The following ANGPT2 variants were observed in gnomAD, a reference collection of about 807,000 sequenced individuals.
ANGPT2 encodes angiopoietin 2.
ANGPT2 carries 28 observed loss-of-function variants against 62.9 expected under a neutral mutation model. That is an observed-to-expected ratio of 0.44 (90% CI 0.33 to 0.61). The LOEUF (loss-of-function observed/expected upper bound fraction) is 0.61. Ranked by LOEUF, ANGPT2 falls within the 20% of genes least tolerant of loss-of-function variation. ANGPT2 has a pLI of 0.03. For missense variants in ANGPT2, 727 were observed against 594.9 expected, an observed-to-expected ratio of 1.22 and a Z score of -2.31; for synonymous variants, 284 against 207.8, an observed-to-expected ratio of 1.37 and a Z score of -3.15.
intron 5 of ANGPT2, among the ~76,000 whole-genome samples, chr8:6,516,318 G>A: frequency 6.6e-6 from 1 of 152,154 alleles, no homozygotes; most frequent in East Asian, 1.9e-4. Flanking sequence ...CAGCAACTCT[G>A]CTGTAGTATC....
chr8:6,527,777 A>T (rs929713491), intron 2 of ANGPT2, 101 bp from the exon 3 acceptor site: 150 of 1,129,124 alleles, frequency 1.3e-4, no homozygotes, highest in Non-Finnish European at 1.8e-4. Flanking sequence ...AAAACATAAC[A>T]AAAACATTAT....
At chr8:6,529,832 C>G (rs1178803416) in intron 2 of ANGPT2, among the ~76,000 whole-genome samples, 1 of 151,194 alleles carries the variant, frequency 6.6e-6, no homozygotes, top group African/African-American at 2.4e-5. Flanking sequence ...CATCTGTTTT[C>G]TTATTTTCCT....
intron 7 of ANGPT2, 36 bp from the exon 8 acceptor site, chr8:6,509,098 G>C: frequency 6.2e-7 from 1 of 1,602,470 alleles, no homozygotes; most frequent in Non-Finnish European, 8.5e-7. Context: ...ACATTGGCTA[G>C]GGTCATTGAT....
chr8:6,527,539 T>G lies in ANGPT2; in HGVS notation c.566+16A>C. On this transcript the variant is annotated intron_variant, in intron 3 of 8. Coordinates refer to ENST00000629816, the MANE Select transcript of ANGPT2 (RefSeq NM_001118887.2). ...TGTGCAGTCCTGAATTATAAATGTT[T>G]TAGTACTGTTATTACCTGTTCTTAT... 1 of 1,611,660 alleles carries G rather than the reference T, an allele frequency of 6.2e-7. No individual in the cohort carries two copies. Among genetic ancestry groups the G allele is most frequent in the Non-Finnish European group, 8.5e-7 (1 of 1,179,124 alleles).
chr8:6,503,532 C>T (rs528036235), intron 8 of ANGPT2, among the ~76,000 whole-genome samples: 1 of 152,244 alleles, frequency 6.6e-6, no homozygotes, highest in East Asian at 1.9e-4. Context: ...TCTCCACAGT[C>T]CTATTTGGTA....
chr8:6,513,343 T>C (rs1364349024), intron 7 of ANGPT2, among the ~76,000 whole-genome samples: 1 of 151,346 alleles, frequency 6.6e-6, no homozygotes, highest in Non-Finnish European at 1.5e-5. Context: ...TTCTTTTTTT[T>C]TTTTTTTGAG....
chr8:6,499,899 C>T lies in ANGPT2; in HGVS notation c.*3202G>A, dbSNP rs1474241592. On this transcript the variant is annotated 3_prime_UTR_variant, in exon 9 of 9. Transcript: ENST00000629816. Reference sequence around the variant, plus strand: ...GTCACTGGATTTCTGAGGAGCCGTTCGAACTGTCTCACCACTTCCCTGCAG... The same window carrying T: ...GTCACTGGATTTCTGAGGAGCCGTTTGAACTGTCTCACCACTTCCCTGCAG... 8 of 1,613,516 alleles carry T rather than the reference C, an allele frequency of 5.0e-6. No homozygotes were observed. Among genetic ancestry groups the T allele is most frequent in the African/African-American group, 2.7e-5 (2 of 74,896 alleles).
At chr8:6,533,757 A>G (rs1819980996) in intron 1 of ANGPT2, among the ~76,000 whole-genome samples, 1 of 152,070 alleles carries the variant, frequency 6.6e-6, no homozygotes, top group Admixed American at 6.5e-5. Flanking sequence ...GCCCTCCTTT[A>G]AAAACTTAGA....
At chr8:6,511,532 T>G (rs528897780) in intron 7 of ANGPT2, among the ~76,000 whole-genome samples, 1 of 152,176 alleles carries the variant, frequency 6.6e-6, no homozygotes, top group East Asian at 1.9e-4. Context: ...TTTCCAACAC[T>G]TGGGGAACAT....
intron 1 of ANGPT2, among the ~76,000 whole-genome samples, chr8:6,559,965 C>A (rs1050028399): frequency 6.6e-6 from 1 of 152,164 alleles, no homozygotes; most frequent in African/African-American, 2.4e-5. Flanking sequence ...CTTCCTTTGC[C>A]GGACAGATTA....
In ANGPT2 at chr8:6,562,682, T is replaced by C; in HGVS notation, c.253A>G (p.Asn85Asp). The change falls in exon 1 of 9, where the codon AAC (asparagine) becomes GAC (aspartate). Residue 85 changes from asparagine to aspartate, a missense_variant. Transcript: ENST00000629816. ...DSVQRLQVLE[N>D]IMENNTQWLM... ...CACTGAGTGTTGTTTTCCATGATGTTCTCCAGCACTTGCAGCCTCTGCACC... is the reference window on the plus strand; with the variant it reads ...CACTGAGTGTTGTTTTCCATGATGTCCTCCAGCACTTGCAGCCTCTGCACC... 1 of 1,603,630 alleles carries C rather than the reference T, an allele frequency of 6.2e-7. No individual in the cohort carries two copies. The highest frequency in any genetic ancestry group is 1.3e-5 in the African/African-American group (1 of 74,658).
At chr8:6,524,161 G>T (rs929568920) in intron 3 of ANGPT2, among the ~76,000 whole-genome samples, 1 of 152,120 alleles carries the variant, frequency 6.6e-6, no homozygotes, top group Non-Finnish European at 1.5e-5. Context: ...TTTGCACATT[G>T]CAGAGTTTTG....
At chr8:6,530,516 A>G (rs1251429169) in intron 2 of ANGPT2, among the ~76,000 whole-genome samples, 1 of 147,558 alleles carries the variant, frequency 6.8e-6, no homozygotes, top group Non-Finnish European at 1.5e-5. Context: ...CTCAAAAAAA[A>G]AAAAAAAAAA....
chr8:6,549,157 T>C (rs1217642177), intron 1 of ANGPT2, among the ~76,000 whole-genome samples: 1 of 152,222 alleles, frequency 6.6e-6, no homozygotes, highest in African/African-American at 2.4e-5. Flanking sequence ...AGAAAAATGA[T>C]ACATGGGTTT....
chr8:6,562,638 T>C lies in ANGPT2; in HGVS notation c.288+9A>G. 7.4e-7 allele frequency: 1 copy of C among 1,356,912 alleles called. No individual in the cohort carries two copies. Among genetic ancestry groups the C allele is most frequent in the Non-Finnish European group, 9.9e-7 (1 of 1,013,678 alleles). 84.1% of individuals were successfully genotyped at this position (1,356,912 alleles called of 1,614,324 possible). A position where few individuals can be genotyped will look rare whatever the true frequency, so the allele number is the denominator to read the frequency against. ...CATGTTCACAAAGACAGATGGATTTTTTTCCTACCTTCATTAGCCACTGAG... is the reference window on the plus strand; with the variant it reads ...CATGTTCACAAAGACAGATGGATTTCTTTCCTACCTTCATTAGCCACTGAG... On this transcript the variant is annotated intron_variant, in intron 1 of 8. Coordinates refer to ENST00000629816, the MANE Select transcript of ANGPT2 (RefSeq NM_001118887.2).
chr8:6,558,853 A>T (rs555130038), intron 1 of ANGPT2, among the ~76,000 whole-genome samples: 1 of 152,298 alleles, frequency 6.6e-6, no homozygotes, highest in Non-Finnish European at 1.5e-5. Flanking sequence ...GTAAACATGT[A>T]TTATATTTTA....
chr8:6,557,685 G>A (rs74417083), intron 1 of ANGPT2, among the ~76,000 whole-genome samples: 18,011 of 91,712 alleles, frequency 0.2, 1,234 homozygotes, highest in South Asian at 0.34. Flanking sequence ...ATATATGTGT[G>A]TGTACACACA....
At chr8:6,536,301 G>C (rs1034815176) in intron 1 of ANGPT2, among the ~76,000 whole-genome samples, 1 of 152,102 alleles carries the variant, frequency 6.6e-6, no homozygotes, top group African/African-American at 2.4e-5. Flanking sequence ...CGGGATCCCA[G>C]GCGCCTCACA....
intron 8 of ANGPT2, chr8:6,508,691 A>C (rs1161503814): frequency 3.3e-6 from 2 of 605,506 alleles, no homozygotes; most frequent in Non-Finnish European, 5.8e-6. Context: ...TCTCCTTGCC[A>C]GGGCTAGGTC....
Sources: allele counts gnomAD v4.1 joint callset (sites outside exome capture counted in the v4.1 genomes callset), GRCh38; gene constraint gnomAD v4.1.1; transcripts MANE v1.5; gene names NCBI Gene and HGNC (gene_info 2026-07-23, HGNC 2026-07-21).